The following KAT6B variants were observed in gnomAD, a reference collection of about 807,000 sequenced individuals.
The protein encoded by KAT6B is lysine acetyltransferase 6B, also known as histone acetyltransferase KAT6B.
KAT6B carries 10 observed loss-of-function variants against 187.5 expected under a neutral mutation model. That is an observed-to-expected ratio of 0.05 (90% CI 0.03 to 0.09). The LOEUF (loss-of-function observed/expected upper bound fraction) is 0.09. Ranked by LOEUF, KAT6B falls within the 10% of genes least tolerant of loss-of-function variation. The probability of loss-of-function intolerance (pLI) is 1.00; values close to 1 mark genes in which losing one functional copy is unlikely to be tolerated. For missense variants in KAT6B, 1,952 were observed against 2,558.9 expected, an observed-to-expected ratio of 0.76 and a Z score of 5.12; for synonymous variants, 861 against 926.8, an observed-to-expected ratio of 0.93 and a Z score of 1.29.
In KAT6B at chr10:75,030,954, G is replaced by A. The variant is rs374969061; in HGVS notation, c.6130G>A (p.Gly2044Ser). 4.0e-5 allele frequency: 64 copies of A among 1,613,928 alleles called. No homozygotes were observed. The highest frequency in any genetic ancestry group is 4.6e-5 in the Non-Finnish European group (54 of 1,180,030). The change falls in exon 18 of 18, where the codon GGT (glycine) becomes AGT (serine). Residue 2044 changes from glycine to serine, a missense_variant. By Grantham distance (56) the Gly-to-Ser change is moderately conservative. Transcript: ENST00000287239. This position sits in a 1 kb window ranked among gnomAD's most constrained non-coding sequence, Gnocchi z 4.8. ...GCAGCCAATGCAGACCCCACCCCAC[G>A]GTAACATGATGTACACGGCCCCCGG... Reference protein sequence around the residue: ...AQQPMQTPPHGNMMYTAPGHH... With the variant: ...AQQPMQTPPHSNMMYTAPGHH...
intron 13 of KAT6B, among the ~76,000 whole-genome samples, chr10:75,008,585 T>C (rs1441006475): frequency 1.3e-5 from 2 of 152,170 alleles, no homozygotes; most frequent in East Asian, 3.8e-4. Flanking sequence ...TTAAGGACAT[T>C]AATAAGATTT....
chr10:74,871,473 G>A (rs1323853644), intron 3 of KAT6B, among the ~76,000 whole-genome samples: 2 of 152,156 alleles, frequency 1.3e-5, no homozygotes, highest in Non-Finnish European at 2.9e-5. Flanking sequence ...GATTACAGGC[G>A]TGAGCCACCA....
chr10:74,906,089 A>G (rs2132836352), intron 3 of KAT6B, among the ~76,000 whole-genome samples: 1 of 152,304 alleles, frequency 6.6e-6, no homozygotes, highest in East Asian at 1.9e-4. Context: ...AAATATAGCA[A>G]TAACTGATTA....
At chr10:74,840,083 CAACTT>C (rs1481451162) in intron 2 of KAT6B, among the ~76,000 whole-genome samples, 1 of 152,300 alleles carries the variant, frequency 6.6e-6, no homozygotes, top group Admixed American at 6.5e-5. Context: ...TGGAAAGACT[CAACTT>C]GACAGCACTT....
At chr10:74,939,236 C>A (rs570775738) in intron 3 of KAT6B, among the ~76,000 whole-genome samples, 30 of 152,176 alleles carry the variant, frequency 2.0e-4, no homozygotes, top group African/African-American at 7.0e-4. Context: ...TTGATTCTTC[C>A]AATGTAAAGG....
intron 3 of KAT6B, among the ~76,000 whole-genome samples, chr10:74,914,637 G>A (rs1237854704): frequency 6.6e-6 from 1 of 152,240 alleles, no homozygotes; most frequent in South Asian, 2.1e-4. Flanking sequence ...ATGAGCCATC[G>A]TTTTTTGAAT....
chr10:74,949,206 C>A (rs374087145), intron 3 of KAT6B, among the ~76,000 whole-genome samples: 3 of 152,280 alleles, frequency 2.0e-5, no homozygotes. Flanking sequence ...CTTCCTGTAA[C>A]CATGTGTTGA....
intron 3 of KAT6B, among the ~76,000 whole-genome samples, chr10:74,905,030 T>A (rs1480454984): frequency 6.6e-6 from 1 of 152,180 alleles, no homozygotes; most frequent in African/African-American, 2.4e-5. Context: ...ACAGTTAAAT[T>A]ATTAGCTAGT....
At chr10:74,917,075 G>A (rs1431713470) in intron 3 of KAT6B, among the ~76,000 whole-genome samples, 1 of 152,142 alleles carries the variant, frequency 6.6e-6, no homozygotes, top group Non-Finnish European at 1.5e-5. Context: ...ACTGCCCTTT[G>A]GCCTGGGTGA....
intron 13 of KAT6B, among the ~76,000 whole-genome samples, chr10:75,005,144 T>C (rs960560432): frequency 1.3e-5 from 2 of 152,144 alleles, no homozygotes; most frequent in African/African-American, 4.8e-5. Flanking sequence ...GACATTATGT[T>C]TGAGATAGAA....
chr10:74,916,299 G>A (rs1452721767), intron 3 of KAT6B, among the ~76,000 whole-genome samples: 1 of 152,168 alleles, frequency 6.6e-6, no homozygotes, highest in East Asian at 1.9e-4. Flanking sequence ...AGTTCCAAAT[G>A]TTTTATTGAA....
chr10:74,871,282 T>G (rs1843938834), intron 3 of KAT6B, among the ~76,000 whole-genome samples: 1 of 148,164 alleles, frequency 6.7e-6, no homozygotes, highest in Non-Finnish European at 1.5e-5. Flanking sequence ...AAGCCCTGCC[T>G]TCTGGGTCCA....
At chr10:75,021,093 G>T in intron 14 of KAT6B, 33 bp from the exon 15 acceptor site, 1 of 1,606,478 alleles carries the variant, frequency 6.2e-7, no homozygotes, top group South Asian at 1.1e-5. Flanking sequence ...TTCAGCTTGT[G>T]ATTACATCTT....
intron 3 of KAT6B, among the ~76,000 whole-genome samples, chr10:74,871,951 A>G (rs1844020884): frequency 6.6e-6 from 1 of 152,204 alleles, no homozygotes; most frequent in South Asian, 2.1e-4. Context: ...AGCCCACCTG[A>G]GAGGACAGGA....
At chr10:74,883,643 GTAAT>G (rs1375502644) in intron 3 of KAT6B, among the ~76,000 whole-genome samples, 2 of 152,154 alleles carry the variant, frequency 1.3e-5, no homozygotes, top group African/African-American at 4.8e-5. Context: ...ATGGTCTTGG[GTAAT>G]TAAAGCTCAC....
chr10:74,883,011 C>T (rs1844968131), intron 3 of KAT6B, among the ~76,000 whole-genome samples: 1 of 152,160 alleles, frequency 6.6e-6, no homozygotes, highest in African/African-American at 2.4e-5. Flanking sequence ...ATGTATTCCT[C>T]ATCATTTGTA....
At chr10:74,903,322 C>T (rs757113588) in intron 3 of KAT6B, among the ~76,000 whole-genome samples, 1 of 152,178 alleles carries the variant, frequency 6.6e-6, no homozygotes, top group Non-Finnish European at 1.5e-5. Flanking sequence ...ATTCTACTAC[C>T]TTGCTTGGCA....
At chr10:74,839,003 A>G (rs893292279) in intron 2 of KAT6B, among the ~76,000 whole-genome samples, 9 of 151,960 alleles carry the variant, frequency 5.9e-5, no homozygotes, top group South Asian at 2.1e-4. Flanking sequence ...AAATTCAAAA[A>G]TTAGCTGGGC....
At chr10:74,840,970 A>G (rs961643292) in intron 2 of KAT6B, among the ~76,000 whole-genome samples, 3 of 152,234 alleles carry the variant, frequency 2.0e-5, no homozygotes, top group African/African-American at 7.2e-5. Flanking sequence ...CTAAATAAAT[A>G]ACCAGAGATA....
Sources: allele counts gnomAD v4.1 joint callset (sites outside exome capture counted in the v4.1 genomes callset), GRCh38; gene constraint gnomAD v4.1.1; non-coding constraint Gnocchi (gnomAD v3.1); transcripts MANE v1.5; gene names NCBI Gene and HGNC (gene_info 2026-07-23, HGNC 2026-07-21).